The following GAS7 variants were observed in gnomAD, a reference collection of about 807,000 sequenced individuals.
GAS7 encodes growth arrest-specific protein 7.
GAS7 carries 28 observed loss-of-function variants against 71.1 expected under a neutral mutation model. That is an observed-to-expected ratio of 0.39 (90% CI 0.29 to 0.54). The LOEUF (loss-of-function observed/expected upper bound fraction) is 0.54, where lower values mean the gene tolerates loss of function less well. GAS7 is among the 20% of genes least tolerant of loss of function. GAS7 has a pLI of 0.62. For missense variants in GAS7, 436 were observed against 627.8 expected (o/e 0.69, Z 3.27); for synonymous variants, 258 against 245.8 (o/e 1.05, Z -0.46).
intron 1 of GAS7, among the ~76,000 whole-genome samples, chr17:10,057,479 G>A (rs1229049190): frequency 6.7e-6 from 1 of 150,372 alleles, no homozygotes; most frequent in African/African-American, 2.5e-5. Flanking sequence ...GTCTCTACCC[G>A]GCCGCCCCAT....
intron 1 of GAS7, among the ~76,000 whole-genome samples, chr17:10,023,013 G>A (rs986162942): frequency 2.6e-5 from 4 of 152,248 alleles, no homozygotes; most frequent in South Asian, 2.1e-4. Flanking sequence ...TAATGATGCC[G>A]TCCCTTCTCC....
At chr17:10,064,414 C>G (rs540034066) in intron 1 of GAS7, among the ~76,000 whole-genome samples, 269 of 152,282 alleles carry the variant, frequency 1.8e-3, no homozygotes, top group Non-Finnish European at 3.2e-3. Flanking sequence ...AAAGAAGCAC[C>G]CTGATTTTTC....
At chr17:10,063,402 T>C (rs1300673793) in intron 1 of GAS7, among the ~76,000 whole-genome samples, 1 of 152,220 alleles carries the variant, frequency 6.6e-6, no homozygotes, top group Admixed American at 6.5e-5. Flanking sequence ...AACCTCTTAT[T>C]TAACTTCTCA....
intron 2 of GAS7, among the ~76,000 whole-genome samples, chr17:10,015,169 G>T: frequency 6.6e-6 from 1 of 151,448 alleles, no homozygotes; most frequent in African/African-American, 2.4e-5. Context: ...AAAAAGAAAA[G>T]AAAAGAAAAG....
intron 2 of GAS7, among the ~76,000 whole-genome samples, chr17:10,018,669 T>C (rs1330090497): frequency 6.6e-6 from 1 of 152,168 alleles, no homozygotes; most frequent in Non-Finnish European, 1.5e-5. Flanking sequence ...GGGATACGAA[T>C]AAACCAGCTG....
intron 3 of GAS7, among the ~76,000 whole-genome samples, chr17:9,980,815 A>G (rs2070384189): frequency 6.6e-6 from 1 of 152,160 alleles, no homozygotes; most frequent in African/African-American, 2.4e-5. Context: ...ATCTAAAGTG[A>G]CTGCATGAGG....
chr17:9,918,167 AC>A, intron 12 of GAS7, 68 bp from the exon 13 acceptor site: 1 of 1,099,964 alleles, frequency 9.1e-7, no homozygotes, highest in Non-Finnish European at 1.4e-6. Context: ...CCCCACCAAG[AC>A]CACAAAACGC....
chr17:9,960,588 C>T (rs1041732597), intron 4 of GAS7, among the ~76,000 whole-genome samples: 3 of 152,170 alleles, frequency 2.0e-5, no homozygotes, highest in African/African-American at 4.8e-5. Flanking sequence ...AAGGAACCAC[C>T]GGCTTGGAGT....
intron 8 of GAS7, among the ~76,000 whole-genome samples, chr17:9,937,494 T>C (rs1221126759): frequency 6.6e-6 from 1 of 152,120 alleles, no homozygotes; most frequent in Non-Finnish European, 1.5e-5. Flanking sequence ...TCAGGCCCCG[T>C]GCATGGAGCA....
At chr17:10,178,064 G>A (rs376195112) in intron 1 of GAS7, among the ~76,000 whole-genome samples, 5 of 152,104 alleles carry the variant, frequency 3.3e-5, no homozygotes, top group South Asian at 4.2e-4. Context: ...CTACAGAGCC[G>A]GAGGGATTCC....
intron 1 of GAS7, among the ~76,000 whole-genome samples, chr17:10,024,979 C>T (rs1309070864): frequency 6.6e-6 from 1 of 152,188 alleles, no homozygotes; most frequent in Non-Finnish European, 1.5e-5. Flanking sequence ...TTTAGACAAT[C>T]AGCTACTCGT....
intron 1 of GAS7, among the ~76,000 whole-genome samples, chr17:10,132,414 C>G (rs1323180805): frequency 1.3e-5 from 2 of 152,190 alleles, no homozygotes; most frequent in Non-Finnish European, 2.9e-5. Flanking sequence ...TCTACTCGGG[C>G]CTGACTCCGT....
At chr17:10,130,123 C>T (rs1233413062) in intron 1 of GAS7, among the ~76,000 whole-genome samples, 3 of 150,642 alleles carry the variant, frequency 2.0e-5, no homozygotes, top group African/African-American at 7.3e-5. Context: ...GAGCCAAGAT[C>T]GTGCTGCTGC....
At chr17:10,072,833 A>C (rs1183030225) in intron 1 of GAS7, among the ~76,000 whole-genome samples, 7 of 152,256 alleles carry the variant, frequency 4.6e-5, no homozygotes, top group African/African-American at 1.7e-4. Context: ...TTAGTGGCTT[A>C]TCTGCAATTT....
intron 1 of GAS7, among the ~76,000 whole-genome samples, chr17:10,057,610 C>T (rs1479447604): frequency 1.3e-5 from 2 of 151,686 alleles, no homozygotes; most frequent in East Asian, 3.9e-4. Flanking sequence ...CGGCCAGCCG[C>T]CCCGTCTGGG....
At chr17:9,991,166 A>G (rs1309184718) in intron 2 of GAS7, among the ~76,000 whole-genome samples, 1 of 152,186 alleles carries the variant, frequency 6.6e-6, no homozygotes, top group Non-Finnish European at 1.5e-5. Context: ...TTTGCTTCCC[A>G]ACTTCTACCC....
intron 1 of GAS7, among the ~76,000 whole-genome samples, chr17:10,145,225 G>C (rs764987919): frequency 6.6e-6 from 1 of 152,232 alleles, no homozygotes; most frequent in African/African-American, 2.4e-5. Context: ...GAAAAGAACC[G>C]CAGAGACGCC....
At chr17:10,087,208 G>T (rs961242568) in intron 1 of GAS7, among the ~76,000 whole-genome samples, 2 of 152,134 alleles carry the variant, frequency 1.3e-5, no homozygotes, top group South Asian at 4.1e-4. Flanking sequence ...AGCTCTACAC[G>T]CAAACTCACA....
chr17:10,191,871 T>C (rs1255855932), intron 1 of GAS7, among the ~76,000 whole-genome samples: 3 of 88,742 alleles, frequency 3.4e-5, no homozygotes, highest in African/African-American at 9.9e-5. Flanking sequence ...CAAGACTCCA[T>C]CTCAAAAAAA....
Sources: gnomAD v4.1 joint callset for allele counts (sites outside exome capture counted in the v4.1 genomes callset) on GRCh38, gnomAD v4.1.1 for gene constraint, MANE v1.5 for transcripts, NCBI Gene and HGNC (gene_info 2026-07-23, HGNC 2026-07-21) for gene names.